Variants in B4GALT5 observed in about 807,000 individuals in gnomAD.
B4GALT5 encodes the protein UDP-Gal:beta-GlcNAc beta-1,4-galactosyltransferase 5.
In B4GALT5, 11 loss-of-function variants were observed where a neutral mutation model predicts 45.0. The ratio of observed to expected loss-of-function variants is 0.24; its 90% CI spans 0.15 to 0.40. B4GALT5 has a LOEUF of 0.40. Among genes scored for constraint, B4GALT5 ranks in the 10% least tolerant of loss-of-function variants. The pLI, the probability that B4GALT5 is intolerant of heterozygous loss-of-function variation, is 1.00. For synonymous variants in B4GALT5, 185 were observed against 182.9 expected (o/e 1.01, Z -0.09); for missense variants, 337 against 500.2 (o/e 0.67, Z 3.11).
At chr20:49,649,148 A>G (rs1001526931) in intron 2 of B4GALT5, among the ~76,000 whole-genome samples, 1 of 152,218 alleles carries the variant, frequency 6.6e-6, no homozygotes, top group African/African-American at 2.4e-5. Flanking sequence ...GCAAAATTCA[A>G]CGAGAGGCAA....
chr20:49,643,922 CTTTTTT>C (rs138727530), intron 3 of B4GALT5, among the ~76,000 whole-genome samples: 2 of 52,184 alleles, frequency 3.8e-5, no homozygotes, highest in African/African-American at 8.5e-5. Flanking sequence ...AGTAGCTGAG[CTTTTTT>C]TTTTTTTTTT....
intron 1 of B4GALT5, among the ~76,000 whole-genome samples, chr20:49,685,711 AG>A (rs1353779338): frequency 2.6e-5 from 4 of 152,216 alleles, no homozygotes; most frequent in African/African-American, 9.6e-5. Flanking sequence ...GACAATAGGT[AG>A]AAAAGTAGAA....
chr20:49,700,325 G>A (rs1313841482), intron 1 of B4GALT5, among the ~76,000 whole-genome samples: 1 of 152,176 alleles, frequency 6.6e-6, no homozygotes, highest in Non-Finnish European at 1.5e-5. Context: ...AAGTAATTAA[G>A]TAAAGTTAAT....
intron 1 of B4GALT5, among the ~76,000 whole-genome samples, chr20:49,699,540 C>G (rs1343910840): frequency 2.0e-5 from 3 of 152,124 alleles, no homozygotes; most frequent in African/African-American, 7.2e-5. Flanking sequence ...CCAGTGGGTG[C>G]CTGAAACTGC....
chr20:49,680,788 C>CT (rs910315619), intron 1 of B4GALT5, among the ~76,000 whole-genome samples: 55 of 148,488 alleles, frequency 3.7e-4, no homozygotes, highest in African/African-American at 8.9e-4. Context: ...TTAAATGGTA[C>CT]TTTTTTTTTT....
chr20:49,695,111 TTGG>T (rs1232482046), intron 1 of B4GALT5, among the ~76,000 whole-genome samples: 2 of 152,096 alleles, frequency 1.3e-5, no homozygotes, highest in African/African-American at 4.8e-5. Context: ...TTTTTTTTTT[TTGG>T]TGATGAGTAA....
At chr20:49,689,484 C>T (rs1182894721) in intron 1 of B4GALT5, among the ~76,000 whole-genome samples, 1 of 151,982 alleles carries the variant, frequency 6.6e-6, no homozygotes, top group Admixed American at 6.6e-5. Flanking sequence ...ATTTTTAAAC[C>T]GTTTTATTAT....
In B4GALT5 at chr20:49,646,956, T is replaced by G. The variant is rs200033597; in HGVS notation, c.364+9A>C. The stretch of plus-strand genomic sequence containing the variant: ...AAAGCAGAGGAAGACAGGCCAGAGC[T>G]GTACTCACTCATGGAAGGGAGTCTT... On this transcript the variant is annotated intron_variant, in intron 3 of 8. Transcript: ENST00000371711. 2 of 1,560,388 alleles carry G rather than the reference T, an allele frequency of 1.3e-6. No homozygotes were observed.
At chr20:49,641,028 T>C (rs2085574997) in intron 5 of B4GALT5, among the ~76,000 whole-genome samples, 1 of 152,170 alleles carries the variant, frequency 6.6e-6, no homozygotes, top group African/African-American at 2.4e-5. Context: ...GGTAGGAGAA[T>C]AGCTTGAACC....
intron 1 of B4GALT5, among the ~76,000 whole-genome samples, chr20:49,674,336 G>A (rs1389951704): frequency 6.6e-6 from 1 of 151,910 alleles, no homozygotes; most frequent in Non-Finnish European, 1.5e-5. Flanking sequence ...CTGTAAATGG[G>A]CCAGGAATTG....
intron 1 of B4GALT5, among the ~76,000 whole-genome samples, 191 bp from the exon 2 acceptor site, chr20:49,656,893 G>C (rs1386367887): frequency 6.6e-6 from 1 of 151,790 alleles, no homozygotes; most frequent in Non-Finnish European, 1.5e-5. Context: ...GTAGCTAGTA[G>C]AGCTTAGAGG....
At chr20:49,712,466 G>T (rs925705470) in intron 1 of B4GALT5, among the ~76,000 whole-genome samples, 1 of 152,008 alleles carries the variant, frequency 6.6e-6, no homozygotes, top group African/African-American at 2.4e-5. Flanking sequence ...GGGGCAGGCG[G>T]GGGAGGGGTG....
At chr20:49,643,801 CG>C in intron 3 of B4GALT5, 151 bp from the exon 4 acceptor site, 1 of 746,444 alleles carries the variant, frequency 1.3e-6, no homozygotes, top group South Asian at 2.5e-5. Context: ...TCCATCTCAC[CG>C]TATTTCAGTT....
At chr20:49,677,850 A>G (rs2085745678) in intron 1 of B4GALT5, among the ~76,000 whole-genome samples, 2 of 152,196 alleles carry the variant, frequency 1.3e-5, no homozygotes, top group African/African-American at 4.8e-5. Context: ...AGTTGAAGCA[A>G]TTCTCCTGCC....
intron 1 of B4GALT5, among the ~76,000 whole-genome samples, chr20:49,668,033 A>G (rs892873654): frequency 6.6e-6 from 1 of 152,198 alleles, no homozygotes; most frequent in Non-Finnish European, 1.5e-5. Context: ...TTTTCATACA[A>G]AAAGTGTTTA....
intron 7 of B4GALT5, 70 bp downstream of exon 7, chr20:49,639,608 C>T: frequency 6.4e-7 from 1 of 1,571,254 alleles, no homozygotes; most frequent in Non-Finnish European, 8.7e-7. Flanking sequence ...CATTATATTC[C>T]TATCGGATAG....
chr20:49,674,035 A>C (rs1487324975), intron 1 of B4GALT5, among the ~76,000 whole-genome samples: 4 of 143,666 alleles, frequency 2.8e-5, no homozygotes, highest in Non-Finnish European at 4.5e-5. Context: ...CAGGAGATTT[A>C]GACCATCCTG....
intron 2 of B4GALT5, among the ~76,000 whole-genome samples, chr20:49,654,196 G>A (rs747535685): frequency 6.6e-6 from 1 of 152,228 alleles, no homozygotes; most frequent in Non-Finnish European, 1.5e-5. Context: ...ACTAGAAGCA[G>A]GATTTTGGCA....
At chr20:49,713,475 A>G in intron 1 of B4GALT5, 101 bp downstream of exon 1, 1 of 1,221,630 alleles carries the variant, frequency 8.2e-7, no homozygotes, top group African/African-American at 1.6e-5. Flanking sequence ...GACCAGGCTC[A>G]GGGCCGCCTC....
Sources: allele counts gnomAD v4.1 joint callset (sites outside exome capture counted in the v4.1 genomes callset), GRCh38; gene constraint gnomAD v4.1.1; transcripts MANE v1.5; gene names NCBI Gene and HGNC (gene_info 2026-07-23, HGNC 2026-07-21).